CHGA: variants seen among roughly 807,000 people sequenced by gnomAD.
CHGA encodes the protein chromogranin-A.
A neutral mutation model predicts 54.4 loss-of-function variants in CHGA; 41 were observed. That is an observed-to-expected ratio of 0.75 (90% confidence interval 0.59 to 0.98). The LOEUF is 0.98. Ranked by LOEUF, CHGA falls within the 50% of genes least tolerant of loss-of-function variation. CHGA has a pLI of 0.00. For synonymous variants in CHGA, 249 were observed against 232.8 expected, an observed-to-expected ratio of 1.07 and a Z score of -0.63; for missense variants, 576 against 582.3, an observed-to-expected ratio of 0.99 and a Z score of 0.11.
intron 7 of CHGA, 172 bp downstream of exon 7, chr14:92,933,023 A>C: frequency 8.2e-6 from 8 of 975,420 alleles, no homozygotes; most frequent in East Asian, 2.8e-5. Context: ...ACCCCAGCTC[A>C]CAGGGGGCAC....
rs931397963 is a variant in CHGA at position 92,932,948 on chromosome 14, G to A, written c.1290+97G>A. ...TGCCCCTGCCCCACTGAGGGGACAG[G>A]GCCCCCCCGCCGAAGTCTGGGGATG... On this transcript the variant is annotated intron_variant, in intron 7 of 7. Coordinates refer to ENST00000216492, the MANE Select transcript of CHGA (RefSeq NM_001275.4). The surrounding 1 kb of genome is among the most constrained non-coding windows in gnomAD (Gnocchi z 5.3). 37 of 1,429,624 alleles carry A rather than the reference G, an allele frequency of 2.6e-5. No individual in the cohort carries two copies. Among genetic ancestry groups the A allele is most frequent in the Non-Finnish European group, 3.2e-5 (35 of 1,087,216 alleles). 88.6% of individuals were successfully genotyped at this position (1,429,624 alleles called of 1,614,324 possible). A position where few individuals can be genotyped will look rare whatever the true frequency, so the allele number is the denominator to read the frequency against.
rs1314460242 is a variant in CHGA at position 92,932,841 on chromosome 14, G to A, written c.1280G>A (p.Arg427His). Residue 427 changes from arginine to histidine, a missense_variant, in exon 7 of 8, where the codon CGC becomes CAC. Arg to His is a conservative substitution (Grantham distance 29). Transcript: ENST00000216492. The surrounding 1 kb of genome is among the most constrained non-coding windows in gnomAD (Gnocchi z 5.3). Reference protein sequence around the residue: ...EKKEEEGSANRRPEDQELESL... With the variant: ...EKKEEEGSANHRPEDQELESL... ...AAAGAGGAGGAGGGCAGCGCAAACC[G>A]CAGACCAGAGGTTGGTATGGGGCGG... The A allele has an allele frequency of 1.1e-5, 16 of 1,495,986 alleles. No individual in the cohort carries two copies. Among genetic ancestry groups the A allele is most frequent in the South Asian group, 8.2e-5 (6 of 73,550 alleles). The allele number at this position is 1,495,986 out of a possible 1,614,324, so 92.7% of individuals were successfully genotyped here. A position where few individuals can be genotyped will look rare whatever the true frequency, so the allele number is the denominator to read the frequency against.
Position 92,931,403 on chromosome 14 carries a change from C to G in CHGA, c.509C>G (p.Pro170Arg), listed in dbSNP as rs1387015519. 1 of 1,611,592 alleles carries G rather than the reference C, an allele frequency of 6.2e-7. No homozygotes were observed. The highest frequency in any genetic ancestry group is 2.2e-5 in the East Asian group (1 of 44,850). ...AAGGCTGAGGGGAACAATCAGGCCC[C>G]TGGGGAGGAAGAGGAGGAGGAGGAG... is the stretch of plus-strand genomic sequence containing the variant. ...ESKAEGNNQA[P>R]GEEEEEEEEA... is the part of the protein sequence containing the mutation. The change falls in exon 6 of 8, where the codon CCT becomes CGT. Residue 170 changes from proline (P) to arginine (R), a missense_variant. Physicochemically the swap from Pro to Arg is moderately radical, Grantham distance 103. Transcript: ENST00000216492.
At position 92,932,959 on chromosome 14, in the gene CHGA, C is replaced by T. The variant is rs1887044110; in HGVS notation, c.1290+108C>T. The T allele has an allele frequency of 9.2e-6, 13 of 1,415,256 alleles. No homozygotes were observed. In the South Asian group the frequency reaches 9.8e-5, roughly 11 times the overall value. 87.7% of individuals were successfully genotyped at this position (1,415,256 alleles called of 1,614,324 possible). ...CACTGAGGGGACAGGGCCCCCCCGC[C>T]GAAGTCTGGGGATGGAGAGATGCTC... is the stretch of plus-strand genomic sequence containing the variant. On this transcript the variant is annotated intron_variant, in intron 7 of 7. Transcript: ENST00000216492. This position sits in a 1 kb window ranked among gnomAD's most constrained non-coding sequence, Gnocchi z 5.3.
chr14:92,928,372 G>A (rs76573347), intron 4 of CHGA, among the ~76,000 whole-genome samples: 2,461 of 152,256 alleles, frequency 0.016, 83 homozygotes, highest in Admixed American at 0.078. Flanking sequence ...GAGGAGGCAC[G>A]TAAACACAGC....
chr14:92,931,081 T>A (rs1174725636), intron 5 of CHGA, among the ~76,000 whole-genome samples, 169 bp from the exon 6 acceptor site: 2 of 152,264 alleles, frequency 1.3e-5, no homozygotes, highest in Non-Finnish European at 1.5e-5. Context: ...AATCCAGCTG[T>A]GCTCAGATCA....
In CHGA at chr14:92,929,378, G is replaced by C. The variant is rs1886949640; in HGVS notation, c.257-339G>C. Among the ~76,000 whole-genome samples, 3 of 143,322 alleles carry C rather than the reference G, an allele frequency of 2.1e-5. 1 individual carries two copies. The highest frequency in any genetic ancestry group is 2.0e-4 in the Admixed American group (3 of 14,836). 94.0% of individuals were successfully genotyped at this position (143,322 alleles called of 152,430 possible). A position where few individuals can be genotyped will look rare whatever the true frequency, so the allele number is the denominator to read the frequency against. The stretch of plus-strand genomic sequence containing the variant: ...GTTCCCCACCCCCAACTCCTGCCCA[G>C]CCAGGTCCTGAGGGGTTCCCCACCC... On this transcript the variant is annotated intron_variant, in intron 4 of 7. Transcript: ENST00000216492.
At chr14:92,927,011 T>G (rs926977252) in intron 3 of CHGA, among the ~76,000 whole-genome samples, 2 of 152,202 alleles carry the variant, frequency 1.3e-5, no homozygotes, top group African/African-American at 4.8e-5. Flanking sequence ...GTGTGCTGTA[T>G]CCCAGTGCCT....
Position 92,932,848 on chromosome 14 carries a change from AG to A in CHGA, c.1288del (p.Glu430ArgfsTer105). ...AGGAGGGCAGCGCAAACCGCAGACC[AG>A]AGGTTGGTATGGGGCGGGAGCCAGC... ...EEEGSANRRP[E>X]DQELESLSAI... is the part of the protein sequence containing the mutation. On this transcript the variant is annotated frameshift_variant and splice_region_variant, in exon 7 of 8. Transcript: ENST00000216492. LOFTEE classifies it high-confidence loss of function. This position sits in a 1 kb window ranked among gnomAD's most constrained non-coding sequence, Gnocchi z 5.3. The A allele has an allele frequency of 6.7e-7, 1 of 1,486,954 alleles. No homozygotes were observed. The allele number at this position is 1,486,954 out of a possible 1,614,324, so 92.1% of individuals were successfully genotyped here.
chr14:92,925,647 C>A (rs1034835753), intron 2 of CHGA, among the ~76,000 whole-genome samples: 13 of 152,206 alleles, frequency 8.5e-5, no homozygotes, highest in Admixed American at 2.6e-4. Flanking sequence ...TGTCTGACAC[C>A]TCCTGCTCTC....
chr14:92,931,123 T>C, intron 5 of CHGA, 127 bp from the exon 6 acceptor site: 1 of 890,864 alleles, frequency 1.1e-6, no homozygotes, highest in Non-Finnish European at 1.7e-6. Context: ...GTAACCCTAA[T>C]CGTTGTCCTG....
intron 4 of CHGA, among the ~76,000 whole-genome samples, chr14:92,928,023 G>GC (rs1054600412): frequency 1.1e-4 from 17 of 152,188 alleles, no homozygotes; most frequent in African/African-American, 3.9e-4. Flanking sequence ...TCTATGCCCA[G>GC]CCCCCCAGCT....
intron 3 of CHGA, among the ~76,000 whole-genome samples, chr14:92,926,947 C>A (rs988606288): frequency 6.6e-6 from 1 of 152,204 alleles, no homozygotes; most frequent in Non-Finnish European, 1.5e-5. Flanking sequence ...AAAATAAAAC[C>A]AGGGCTGAAA....
At position 92,923,166 on chromosome 14, in the gene CHGA, CTGCAG is replaced by C; in HGVS notation, c.-190_-186del. On this transcript the variant is annotated 5_prime_UTR_variant, in exon 1 of 8. Transcript: ENST00000216492. ...GCTGCTGCTGCCACCGCTCCTGCCA[CTGCAG>C]TGCTCGAGCCCCGTGCAGGGGAGCT... 5.2e-6 allele frequency: 2 copies of C among 383,828 alleles called. No homozygotes were observed. Among genetic ancestry groups the C allele is most frequent in the Non-Finnish European group, 8.8e-6 (2 of 226,250 alleles). The allele number at this position is 383,828 out of a possible 1,614,324, so 23.8% of individuals were successfully genotyped here.
At chr14:92,925,764 C>G (rs1480530530) in intron 2 of CHGA, among the ~76,000 whole-genome samples, 1 of 152,166 alleles carries the variant, frequency 6.6e-6, no homozygotes. Flanking sequence ...CCTCATTACC[C>G]TGGGAGAGCA....
chr14:92,931,192 G>T, intron 5 of CHGA, 58 bp from the exon 6 acceptor site: 3 of 1,504,006 alleles, frequency 2.0e-6, no homozygotes, highest in South Asian at 1.3e-5. Flanking sequence ...TAGCCTGTGG[G>T]GAGGCCCCAC....
Position 92,923,320 on chromosome 14 carries a change from C to G in CHGA, c.-40C>G. The G allele has an allele frequency of 1.5e-6, 2 of 1,318,230 alleles. No homozygotes were observed. Among genetic ancestry groups the G allele is most frequent in the Non-Finnish European group, 1.9e-6 (2 of 1,036,424 alleles). 81.7% of individuals were successfully genotyped at this position (1,318,230 alleles called of 1,614,324 possible). Reference sequence around the variant, plus strand: ...CGCCCCTCGCCCGGTGCCTAGGTGCCCGGCCCCACACCGCCAGCTGCTCGG... The same window carrying G: ...CGCCCCTCGCCCGGTGCCTAGGTGCGCGGCCCCACACCGCCAGCTGCTCGG... On this transcript the variant is annotated 5_prime_UTR_variant, in exon 1 of 8. Transcript: ENST00000216492.
chr14:92,929,434 T>C (rs575312740), intron 4 of CHGA, among the ~76,000 whole-genome samples: 90 of 152,270 alleles, frequency 5.9e-4, no homozygotes, highest in South Asian at 4.6e-3. Flanking sequence ...CCTTGCTCCA[T>C]TTGAGCCTTT....
rs141012258 is a variant in CHGA, at chr14:92,927,982, G to C, written c.256+364G>C. On this transcript the variant is annotated intron_variant, in intron 4 of 7. Coordinates refer to ENST00000216492, the MANE Select transcript of CHGA (RefSeq NM_001275.4). ...AGCCTGGACAGGATACTGGAGTGGA[G>C]GGTTAAGCTGCCATCTTCCCACAGT... Among the ~76,000 whole-genome samples, 453 of 152,358 alleles carry C rather than the reference G, an allele frequency of 3.0e-3. 3 individuals carry two copies. Among genetic ancestry groups the C allele is most frequent in the African/African-American group, 9.9e-3 (412 of 41,582 alleles).
Sources: gnomAD v4.1 joint callset for allele counts (sites outside exome capture counted in the v4.1 genomes callset) on GRCh38, gnomAD v4.1.1 for gene constraint, Gnocchi (gnomAD v3.1) non-coding constraint, MANE v1.5 for transcripts, NCBI Gene and HGNC (gene_info 2026-07-23, HGNC 2026-07-21) for gene names.